AP1G2: variants seen among roughly 807,000 people sequenced by gnomAD.
AP1G2 encodes the protein AP-1 complex subunit gamma-like 2.
AP1G2 carries 85 observed loss-of-function variants against 95.8 expected under a neutral mutation model. The observed-to-expected ratio is 0.89, with a 90% CI of 0.74 to 1.06. The LOEUF (loss-of-function observed/expected upper bound fraction) is 1.06, where lower values mean the gene tolerates loss of function less well. AP1G2 is among the 50% of genes least tolerant of loss of function. AP1G2 has a pLI of 0.00. For synonymous variants in AP1G2, 378 were observed against 400.0 expected, an observed-to-expected ratio of 0.94 and a Z score of 0.66; for missense variants, 967 against 1,005.8, an observed-to-expected ratio of 0.96 and a Z score of 0.52.
chr14:23,567,217 G>A lies in AP1G2; in HGVS notation c.98C>T (p.Ala33Val), dbSNP rs1888482132. 6.2e-7 allele frequency: 1 copy of A among 1,612,522 alleles called. No homozygotes were observed. The highest frequency in any genetic ancestry group is 8.5e-7 in the Non-Finnish European group (1 of 1,179,342). The change falls in exon 2 of 22, where the codon GCC becomes GTC. Residue 33 changes from alanine to valine, a missense_variant. Ala to Val is a moderately conservative substitution (Grantham distance 64, BLOSUM62 0). Transcript: ENST00000397120. The surrounding 1 kb of genome is among the most constrained non-coding windows in gnomAD (Gnocchi z 5.3). The part of the protein sequence containing the change: ...QEREVIQKEC[A>V]HIRASFRDGD... ...GTCGCGGAAGGAGGCCCGGATGTGG[G>A]CACACTCCTTTTGGATCACCTCCCG...
Position 23,564,338 on chromosome 14 carries a change from G to T in AP1G2, c.972C>A (p.Asn324Lys). 6.2e-7 allele frequency: 1 copy of T among 1,614,188 alleles called. No individual in the cohort carries two copies. Among genetic ancestry groups the T allele is most frequent in the East Asian group, 2.2e-5 (1 of 44,880 alleles). ...TAGACAGTTGGGACTATTACCTAAT[G>T]TTCCTGTCACTGTTGAGTAGGAAGC... is the stretch of plus-strand genomic sequence containing the variant. ...LGRFLLNSDRNIRYVALTSLL... is the reference protein window; with the variant it reads ...LGRFLLNSDRKIRYVALTSLL... Residue 324 changes from asparagine to lysine, a missense_variant, in exon 10 of 22, where the codon AAC becomes AAA. Physicochemically the swap from Asn to Lys is moderately conservative, Grantham distance 94. Coordinates refer to ENST00000397120, the MANE Select transcript of AP1G2 (RefSeq NM_003917.5).
intron 14 of AP1G2, 32 bp downstream of exon 14, chr14:23,563,348 C>T: frequency 6.4e-7 from 1 of 1,561,544 alleles, no homozygotes; most frequent in East Asian, 2.4e-5. Context: ...AGTGGTTGGG[C>T]AGCCCTGGGC....
intron 7 of AP1G2, 73 bp from the exon 8 acceptor site, chr14:23,565,272 C>A: frequency 6.8e-7 from 1 of 1,479,010 alleles, no homozygotes; most frequent in South Asian, 1.2e-5. Context: ...GGAGAAAACT[C>A]CAACATGTGA....
At position 23,563,790 on chromosome 14, in the gene AP1G2, CA is replaced by C; in HGVS notation, c.1157del (p.Leu386ArgfsTer35). Reference sequence around the variant, plus strand: ...GAGGGCAGGACTCCAGAAAGGCCTGCAGCTCTTGCATCATGGCTCGCACATT... The same window carrying C: ...GAGGGCAGGACTCCAGAAAGGCCTGCGCTCTTGCATCATGGCTCGCACATT... ...SSNVRAMMQELQAFLESCPPD... is the reference protein window; with the variant it reads ...SSNVRAMMQEXQAFLESCPPD... On this transcript the variant is annotated frameshift_variant, in exon 12 of 22. Transcript: ENST00000397120. LOFTEE classifies it high-confidence loss of function. 5 of 1,614,178 alleles carry C rather than the reference CA, an allele frequency of 3.1e-6. No homozygotes were observed. Among genetic ancestry groups the C allele is most frequent in the Non-Finnish European group, 4.2e-6 (5 of 1,180,016 alleles).
In AP1G2 at chr14:23,567,643, C is replaced by A. The variant is rs986622968; in HGVS notation, c.-6+96G>T. 1.8e-6 allele frequency: 2 copies of A among 1,101,178 alleles called. No homozygotes were observed. The highest frequency in any genetic ancestry group is 2.2e-6 in the Non-Finnish European group (2 of 903,194). The allele number at this position is 1,101,178 out of a possible 1,614,324, so 68.2% of individuals were successfully genotyped here. ...AGCCATTGCTTTTTTTTCCACGACC[C>A]TCCGCTGTTTCTTCCGCGAGCTTCC... On this transcript the variant is annotated intron_variant, in intron 1 of 21. Coordinates refer to ENST00000397120, the MANE Select transcript of AP1G2 (RefSeq NM_003917.5). This position sits in a 1 kb window ranked among gnomAD's most constrained non-coding sequence, Gnocchi z 5.3.
chr14:23,566,131 C>T lies in AP1G2; in HGVS notation c.501G>A (p.Arg167=). Residue 167 remains arginine, a synonymous_variant, in exon 5 of 22, where the codon CGG becomes CGA. Coordinates refer to ENST00000397120, the MANE Select transcript of AP1G2 (RefSeq NM_003917.5). ...AGACACTGGAGAGTTCAGGGACCTTCCGGATCATGTGCACTGCAGTCAGAA... is the reference window on the plus strand; with the variant it reads ...AGACACTGGAGAGTTCAGGGACCTTTCGGATCATGTGCACTGCAGTCAGAA... ...KAILTAVHMI[R]KVPELSSVFL... is the part of the protein sequence containing the mutation. 1 of 1,608,752 alleles carries T rather than the reference C, an allele frequency of 6.2e-7. No homozygotes were observed. The highest frequency in any genetic ancestry group is 8.5e-7 in the Non-Finnish European group (1 of 1,176,626).
chr14:23,559,717 A>G lies in AP1G2; in HGVS notation c.*32T>C. 6.2e-7 allele frequency: 1 copy of G among 1,607,900 alleles called. No homozygotes were observed. On this transcript the variant is annotated 3_prime_UTR_variant, in exon 22 of 22. Transcript: ENST00000397120. ...GCTGGGGCCCCCTGGGGTTTGGGAC[A>G]CAGGAGAATTTCAGGCTGTGAGTGG...
chr14:23,563,844 T>C lies in AP1G2; in HGVS notation c.1104A>G (p.Glu368=), dbSNP rs774707059. 3.1e-6 allele frequency: 5 copies of C among 1,613,914 alleles called. No homozygotes were observed. In the Admixed American group the frequency reaches 8.3e-5, roughly 27 times the overall value. Residue 368 remains glutamate, a synonymous_variant, in exon 12 of 22, where the codon GAA becomes GAG. Coordinates refer to ENST00000397120, the MANE Select transcript of AP1G2 (RefSeq NM_003917.5). ...AGCTATTTACCAGAGCCAGGCTTAG[T>C]TCCAGGGCTCTCCTGGCAGGAGAAA... The part of the protein sequence containing the change: ...TDASLSRRAL[E]LSLALVNSSN...
intron 11 of AP1G2, 38 bp from the exon 12 acceptor site, chr14:23,563,894 G>C (rs761957956): frequency 7.2e-5 from 115 of 1,607,098 alleles, no homozygotes; most frequent in Middle Eastern, 6.7e-4. Context: ...GGTAGCCCAG[G>C]TCATCCTGGT....
At chr14:23,560,552 G>T in intron 19 of AP1G2, 134 bp from the exon 20 acceptor site, 1 of 910,482 alleles carries the variant, frequency 1.1e-6, no homozygotes, top group Non-Finnish European at 1.6e-6. Context: ...TAGACATGTA[G>T]ATGAGGATGG....
Position 23,566,258 on chromosome 14 carries a change from C to A in AP1G2, c.471+20G>T, listed in dbSNP as rs1423350465. The stretch of plus-strand genomic sequence containing the variant: ...GCAGGCAGTGTGCAGGAGCACGTGC[C>A]AGGAGTCCCGCCATCTCACCTTCTT... On this transcript the variant is annotated intron_variant, in intron 4 of 21. Transcript: ENST00000397120. 1.9e-6 allele frequency: 3 copies of A among 1,612,970 alleles called. No homozygotes were observed. The highest frequency in any genetic ancestry group is 2.5e-6 in the Non-Finnish European group (3 of 1,179,496).
At chr14:23,563,205 TCAGGA>T in intron 14 of AP1G2, 170 bp downstream of exon 14, 1 of 1,440,984 alleles carries the variant, frequency 6.9e-7, no homozygotes, top group Non-Finnish European at 9.1e-7. Flanking sequence ...GGTACCAGAG[TCAGGA>T]CAAAAGCCCA....
rs1888782773 is a variant in AP1G2 at position 23,567,788 on chromosome 14, C to A, written c.-55G>T. The A allele has an allele frequency of 1.0e-6, 1 of 1,000,022 alleles. No homozygotes were observed. Among genetic ancestry groups the A allele is most frequent in the African/African-American group, 1.7e-5 (1 of 57,338 alleles). The allele number at this position is 1,000,022 out of a possible 1,614,324, so 61.9% of individuals were successfully genotyped here. A position where few individuals can be genotyped will look rare whatever the true frequency, so the allele number is the denominator to read the frequency against. The stretch of plus-strand genomic sequence containing the variant: ...CTCTGCCCCCCAGCGCTTCCTGGTA[C>A]GGGGCCGAGCAGGGGTTGGTGCTCC... On this transcript the variant is annotated 5_prime_UTR_variant, in exon 1 of 22. Transcript: ENST00000397120. The surrounding 1 kb of genome is among the most constrained non-coding windows in gnomAD (Gnocchi z 5.3).
chr14:23,563,755 C>G lies in AP1G2; in HGVS notation c.1193G>C (p.Arg398Pro). The G allele has an allele frequency of 6.2e-7, 1 of 1,614,198 alleles. No individual in the cohort carries two copies. Among genetic ancestry groups the G allele is most frequent in the Non-Finnish European group, 8.5e-7 (1 of 1,180,028 alleles). ...AFLESCPPDL[R>P]ADCASGILLA... is the part of the protein sequence containing the mutation. ...CAGGATGCCTGAGGCACAGTCAGCC[C>G]GTAGGTCAGGAGGGCAGGACTCCAG... Residue 398 changes from arginine (R) to proline (P), a missense_variant, in exon 12 of 22, where the codon CGG becomes CCG. Coordinates refer to ENST00000397120, the MANE Select transcript of AP1G2 (RefSeq NM_003917.5).
Position 23,560,262 on chromosome 14 carries a change from A to T in AP1G2, c.2150T>A (p.Val717Glu). 1.2e-6 allele frequency: 2 copies of T among 1,613,466 alleles called. No homozygotes were observed. The highest frequency in any genetic ancestry group is 1.7e-6 in the Non-Finnish European group (2 of 1,180,004). ...DVTHFICQAA[V>E]PKSLQLQLQA... is the part of the protein sequence containing the mutation. ...ACTCTGATCTTTACAAACCTTGGGC[A>T]CAGCAGCCTGGCAGATGAAATGGGT... Residue 717 changes from valine to glutamate, a missense_variant, in exon 20 of 22, where the codon GTG becomes GAG. By Grantham distance (121) the Val-to-Glu change is moderately radical (BLOSUM62 -2). Coordinates refer to ENST00000397120, the MANE Select transcript of AP1G2 (RefSeq NM_003917.5).
In AP1G2 at chr14:23,567,662, AGCTTCCT is replaced by A; in HGVS notation, c.-6+70_-6+76del. 9.7e-7 allele frequency: 1 copy of A among 1,034,678 alleles called. No homozygotes were observed. The highest frequency in any genetic ancestry group is 1.2e-6 in the Non-Finnish European group (1 of 858,014). The allele number at this position is 1,034,678 out of a possible 1,614,324, so 64.1% of individuals were successfully genotyped here. A position where few individuals can be genotyped will look rare whatever the true frequency, so the allele number is the denominator to read the frequency against. On this transcript the variant is annotated intron_variant, in intron 1 of 21. Transcript: ENST00000397120. This position sits in a 1 kb window ranked among gnomAD's most constrained non-coding sequence, Gnocchi z 5.3. Reference sequence around the variant, plus strand: ...ACGACCCTCCGCTGTTTCTTCCGCGAGCTTCCTCCCCCGATTTCCATCTCAGGCAGCG... The same window carrying A: ...ACGACCCTCCGCTGTTTCTTCCGCGACCCCCGATTTCCATCTCAGGCAGCG...
chr14:23,563,419 CACAGAGTAGG>C lies in AP1G2; in HGVS notation c.1361_1370del (p.Ala454GlyfsTer76). On this transcript the variant is annotated frameshift_variant, in exon 14 of 22. Coordinates refer to ENST00000397120, the MANE Select transcript of AP1G2 (RefSeq NM_003917.5). LOFTEE classifies it high-confidence loss of function. ...CTGCCAGGGCATTGTAGAGGCGGCG[CACAGAGTAGG>C]CATGTAGCTCCTGGGCCCCCCCAAT... The C allele has an allele frequency of 6.2e-7, 1 of 1,610,324 alleles. No individual in the cohort carries two copies. Among genetic ancestry groups the C allele is most frequent in the South Asian group, 1.1e-5 (1 of 90,410 alleles).
Position 23,561,746 on chromosome 14 carries a change from G to A in AP1G2, c.1734-111C>T. The A allele has an allele frequency of 4.7e-6, 7 of 1,501,522 alleles. No homozygotes were observed. The South Asian group carries it at 7.7e-5, about 17-fold the overall frequency. The allele number at this position is 1,501,522 out of a possible 1,614,324, so 93.0% of individuals were successfully genotyped here. A position where few individuals can be genotyped will look rare whatever the true frequency, so the allele number is the denominator to read the frequency against. ...GCCCTGGGCACATGGTGGCTCAGAA[G>A]TACCCTTCTGATTTCCTAAAATGAC... On this transcript the variant is annotated intron_variant, in intron 17 of 21. Transcript: ENST00000397120.
chr14:23,562,459 C>T (rs774509768), intron 15 of AP1G2, 44 bp from the exon 16 acceptor site: 24 of 1,613,608 alleles, frequency 1.5e-5, no homozygotes, highest in Non-Finnish European at 1.7e-5. Context: ...CAAGTCCTGT[C>T]CCCCTGACAA....
Sources: allele counts gnomAD v4.1 joint callset, GRCh38; gene constraint gnomAD v4.1.1; non-coding constraint Gnocchi (gnomAD v3.1); transcripts MANE v1.5; gene names NCBI Gene and HGNC (gene_info 2026-07-23, HGNC 2026-07-21).